ADAM19: variants seen among roughly 807,000 people sequenced by gnomAD.
ADAM19 encodes the protein disintegrin and metalloproteinase domain-containing protein 19.
ADAM19 carries 65 observed loss-of-function variants against 114.7 expected under a neutral mutation model. That is an observed-to-expected ratio of 0.57 (90% CI 0.46 to 0.70). ADAM19 has a LOEUF of 0.70. ADAM19 is among the 30% of genes least tolerant of loss of function. The pLI, the probability that ADAM19 is intolerant of heterozygous loss-of-function variation, is 0.00. For missense variants in ADAM19, 1,063 were observed against 1,204.7 expected (o/e 0.88, Z 1.74); for synonymous variants, 466 against 460.5 (o/e 1.01, Z -0.15).
rs1370035197 is a variant in ADAM19 at position 157,480,856 on chromosome 5, G to A, written c.*93C>T. 1 of 1,592,150 alleles carries A rather than the reference G, an allele frequency of 6.3e-7. No homozygotes were observed. The highest frequency in any genetic ancestry group is 8.5e-7 in the Non-Finnish European group (1 of 1,170,206). On this transcript the variant is annotated 3_prime_UTR_variant, in exon 23 of 23. Coordinates refer to ENST00000257527, the MANE Select transcript of ADAM19 (RefSeq NM_033274.5). Reference sequence around the variant, plus strand: ...TGGAGGAGGGTGGGAGGAGCTCAGAGGCGGCCAGACATGCTTCTTCAGGGT... The same window carrying A: ...TGGAGGAGGGTGGGAGGAGCTCAGAAGCGGCCAGACATGCTTCTTCAGGGT...
rs1754709076 is a variant in ADAM19 at position 157,480,387 on chromosome 5, C to A, written c.*562G>T. 1 of 987,822 alleles carries A rather than the reference C, an allele frequency of 1.0e-6. No individual in the cohort carries two copies. Among genetic ancestry groups the A allele is most frequent in the African/African-American group, 1.7e-5 (1 of 57,232 alleles). The allele number at this position is 987,822 out of a possible 1,614,324, so 61.2% of individuals were successfully genotyped here. ...GGGAGGGGACGTGGCTTGTCACATG[C>A]AGCCATACAGCCAGAAGCCGTTCCC... is the stretch of plus-strand genomic sequence containing the variant. On this transcript the variant is annotated 3_prime_UTR_variant, in exon 23 of 23. Coordinates refer to ENST00000257527, the MANE Select transcript of ADAM19 (RefSeq NM_033274.5).
At chr5:157,494,972 G>T (rs908125705) in intron 14 of ADAM19, among the ~76,000 whole-genome samples, 177 bp from the exon 15 acceptor site, 5 of 152,060 alleles carry the variant, frequency 3.3e-5, no homozygotes, top group Non-Finnish European at 7.4e-5. Context: ...TCTACTCAGA[G>T]AATAATGTTT....
At chr5:157,489,454 C>T (rs1014722228) in intron 19 of ADAM19, among the ~76,000 whole-genome samples, 32 of 152,312 alleles carry the variant, frequency 2.1e-4, no homozygotes, top group Admixed American at 1.4e-3. Flanking sequence ...GACCCTTCCC[C>T]TGTGAGGAGA....
intron 12 of ADAM19, among the ~76,000 whole-genome samples, chr5:157,501,684 T>C (rs1581305463): frequency 6.6e-6 from 1 of 150,428 alleles, no homozygotes; most frequent in Non-Finnish European, 1.5e-5. Context: ...GTGGTGGGGG[T>C]GGCATCCTTG....
At position 157,480,626 on chromosome 5, in the gene ADAM19, T is replaced by C; in HGVS notation, c.*323A>G. The stretch of plus-strand genomic sequence containing the variant: ...TGCTGGCCTGAGGGGCTTGCTGGCC[T>C]TGAGCATCTCCATCAGCACCTCGGG... On this transcript the variant is annotated 3_prime_UTR_variant, in exon 23 of 23. Coordinates refer to ENST00000257527, the MANE Select transcript of ADAM19 (RefSeq NM_033274.5). 8.6e-7 allele frequency: 1 copy of C among 1,162,842 alleles called. No homozygotes were observed. The highest frequency in any genetic ancestry group is 1.1e-6 in the Non-Finnish European group (1 of 938,282). 72.0% of individuals were successfully genotyped at this position (1,162,842 alleles called of 1,614,324 possible).
Position 157,480,791 on chromosome 5 carries a change from A to T in ADAM19, c.*158T>A. 3 of 1,465,228 alleles carry T rather than the reference A, an allele frequency of 2.0e-6. No individual in the cohort carries two copies. Among genetic ancestry groups the T allele is most frequent in the Non-Finnish European group, 2.7e-6 (3 of 1,114,600 alleles). The allele number at this position is 1,465,228 out of a possible 1,614,324, so 90.8% of individuals were successfully genotyped here. On this transcript the variant is annotated 3_prime_UTR_variant, in exon 23 of 23. Coordinates refer to ENST00000257527, the MANE Select transcript of ADAM19 (RefSeq NM_033274.5). ...GGGCTTCCAAGGAAGCCGAGGAGGC[A>T]CTGAGTCAACAGGGAGATTTTTGGA... is the stretch of plus-strand genomic sequence containing the variant.
At position 157,491,838 on chromosome 5, in the gene ADAM19, A is replaced by G. The variant is rs561948234; in HGVS notation, c.1983T>C (p.His661=). 4.3e-6 allele frequency: 7 copies of G among 1,614,210 alleles called. No homozygotes were observed. In the African/African-American group the frequency reaches 8.0e-5, roughly 18 times the overall value. ...GAAGCCAGAACCCAGCACGCACCCCATGGCCATTGCACTTCTTCCCACAGC... is the reference window on the plus strand; with the variant it reads ...GAAGCCAGAACCCAGCACGCACCCCGTGGCCATTGCACTTCTTCCCACAGC... ...TEGCGKKCNG[H]GVCNNNQNCH... is the part of the protein sequence containing the mutation. The change falls in exon 17 of 23, where the codon CAT becomes CAC. Residue 661 remains histidine, a synonymous_variant. Transcript: ENST00000257527.
chr5:157,511,473 C>A (rs1561537344), intron 8 of ADAM19, among the ~76,000 whole-genome samples: 1 of 152,200 alleles, frequency 6.6e-6, no homozygotes, highest in African/African-American at 2.4e-5. Context: ...TCCAGATAAT[C>A]CACTCGCTCC....
chr5:157,569,506 G>A (rs1461595888), intron 2 of ADAM19, among the ~76,000 whole-genome samples: 1 of 137,110 alleles, frequency 7.3e-6, no homozygotes, highest in Non-Finnish European at 1.5e-5. Context: ...TGATCCTCCT[G>A]CCTCAGCCTC....
chr5:157,572,278 G>A (rs1387905309), intron 1 of ADAM19: 3 of 456,044 alleles, frequency 6.6e-6, no homozygotes, highest in Admixed American at 4.7e-5. Context: ...ACTAGAGACT[G>A]GGAGGAGTCC....
Position 157,570,909 on chromosome 5 carries a change from G to A in ADAM19, c.166C>T (p.Pro56Ser), listed in dbSNP as rs1370314995. 11 of 1,614,002 alleles carry A rather than the reference G, an allele frequency of 6.8e-6. No individual in the cohort carries two copies. The highest frequency in any genetic ancestry group is 9.3e-6 in the Non-Finnish European group (11 of 1,180,000). Residue 56 changes from proline (P) to serine (S), a missense_variant, in exon 2 of 23, where the codon CCC (proline) becomes TCC (serine). Around this residue, in one of 3 missense-constraint regions of ADAM19, gnomAD observed 615 missense variants for 706.3 expected, o/e 0.87. Coordinates refer to ENST00000257527, the MANE Select transcript of ADAM19 (RefSeq NM_033274.5). ...IIPQWKTSES[P>S]VREKHPLKAE... The stretch of plus-strand genomic sequence containing the variant: ...TTGAGTCTTACCTTTTCTCTCACGG[G>A]GCTTTCTGAAGTCTTCCACTGAGGT...
At chr5:157,535,047 T>TAAAAAA (rs748895568) in intron 4 of ADAM19, among the ~76,000 whole-genome samples, 20,007 of 152,052 alleles carry the variant, frequency 0.13, 1,574 homozygotes, top group South Asian at 0.2. Flanking sequence ...CTGTAAAATG[T>TAAAAAA]GGGGTTGGAA....
rs546938878 is a variant in ADAM19 at position 157,481,335 on chromosome 5, C to T, written c.2704-333G>A. The T allele has an allele frequency of 5.2e-6, 3 of 572,804 alleles. No homozygotes were observed. The East Asian group carries it at 8.9e-5, about 17-fold the overall frequency. 35.5% of individuals were successfully genotyped at this position (572,804 alleles called of 1,614,324 possible). On this transcript the variant is annotated intron_variant, in intron 22 of 22. Transcript: ENST00000257527. ...ACCTCATCCCTTTCTGACCTGACTG[C>T]CAAGACTGGCAAACTGAGACTGTCA...
chr5:157,498,915 G>A (rs1239003426), intron 13 of ADAM19, among the ~76,000 whole-genome samples: 1 of 151,934 alleles, frequency 6.6e-6, no homozygotes, highest in African/African-American at 2.4e-5. Context: ...GCCACCAAAT[G>A]TGTTTACATT....
intron 15 of ADAM19, among the ~76,000 whole-genome samples, chr5:157,494,251 AGATG>A (rs1755272994): frequency 6.7e-6 from 1 of 148,446 alleles, no homozygotes. Context: ...AGTGGGTGGT[AGATG>A]GATGGATAGA....
intron 7 of ADAM19, among the ~76,000 whole-genome samples, chr5:157,517,556 C>T (rs1033074452): frequency 6.6e-6 from 1 of 152,164 alleles, no homozygotes; most frequent in Admixed American, 6.5e-5. Context: ...CCCTAATTCC[C>T]AAAACCATGT....
intron 12 of ADAM19, among the ~76,000 whole-genome samples, chr5:157,501,670 C>T (rs971641745): frequency 6.6e-6 from 1 of 151,914 alleles, no homozygotes; most frequent in East Asian, 1.9e-4. Context: ...TCTCTGGGCT[C>T]ATGGTGGTGG....
rs1400303092 is a variant in ADAM19 at position 157,551,025 on chromosome 5, G to A, written c.252-13034C>T. Among the ~76,000 whole-genome samples the A allele has an allele frequency of 2.6e-5, 4 of 152,264 alleles. No homozygotes were observed. In the East Asian group the frequency reaches 7.7e-4, roughly 29 times the overall value. On this transcript the variant is annotated intron_variant, in intron 3 of 22. Coordinates refer to ENST00000257527, the MANE Select transcript of ADAM19 (RefSeq NM_033274.5). Reference sequence around the variant, plus strand: ...TATGATAGTCTCTTCAATAAATGGTGGGAAAACCATATGCAGAAGAATAAA... The same window carrying A: ...TATGATAGTCTCTTCAATAAATGGTAGGAAAACCATATGCAGAAGAATAAA...
intron 1 of ADAM19, among the ~76,000 whole-genome samples, chr5:157,574,018 T>A (rs1757901515): frequency 6.6e-6 from 1 of 152,092 alleles, no homozygotes; most frequent in Non-Finnish European, 1.5e-5. Flanking sequence ...TTGTATAGAG[T>A]CATTAAAATC....
Sources: gnomAD v4.1 joint callset for allele counts (sites outside exome capture counted in the v4.1 genomes callset) on GRCh38, gnomAD v4.1.1 for gene constraint, gnomAD v4.1.1 regional missense constraint, MANE v1.5 for transcripts, NCBI Gene and HGNC (gene_info 2026-07-23, HGNC 2026-07-21) for gene names.